Variants in CAMKMT observed in about 807,000 individuals in gnomAD.
The protein encoded by CAMKMT is CaM KMT.
CAMKMT carries 53 observed loss-of-function variants against 48.0 expected under a neutral mutation model. That is an observed-to-expected ratio of 1.10 (90% confidence interval 0.89 to 1.39). The LOEUF is 1.39. Among genes scored for constraint, CAMKMT ranks in the 40% most tolerant of loss-of-function variants. The pLI, the probability that CAMKMT is intolerant of heterozygous loss-of-function variation, is 0.00. For missense variants in CAMKMT, 428 were observed against 402.7 expected, an observed-to-expected ratio of 1.06 and a Z score of -0.54; for synonymous variants, 165 against 152.3, an observed-to-expected ratio of 1.08 and a Z score of -0.61.
At chr2:44,755,396 A>T (rs779643727) in intron 9 of CAMKMT, among the ~76,000 whole-genome samples, 1 of 152,114 alleles carries the variant, frequency 6.6e-6, no homozygotes, top group Non-Finnish European at 1.5e-5. Flanking sequence ...GCCTTGGGTG[A>T]TTCTTGTGGG....
At chr2:44,532,554 C>T (rs1018291114) in intron 3 of CAMKMT, among the ~76,000 whole-genome samples, 1 of 152,178 alleles carries the variant, frequency 6.6e-6, no homozygotes, top group Non-Finnish European at 1.5e-5. Context: ...CCTCAAACAG[C>T]TTAAACCATA....
intron 3 of CAMKMT, among the ~76,000 whole-genome samples, chr2:44,669,382 T>C (rs1675200707): frequency 6.6e-6 from 1 of 152,228 alleles, no homozygotes; most frequent in Admixed American, 6.5e-5. Context: ...AAAGCTACTA[T>C]GGACATCCTC....
chr2:44,508,142 G>A (rs1376849346), intron 3 of CAMKMT, among the ~76,000 whole-genome samples: 6 of 152,176 alleles, frequency 3.9e-5, no homozygotes, highest in African/African-American at 1.4e-4. Flanking sequence ...GACTGGCATA[G>A]GTAGACCCTG....
chr2:44,654,952 T>C (rs547671037), intron 3 of CAMKMT, among the ~76,000 whole-genome samples: 2 of 152,354 alleles, frequency 1.3e-5, no homozygotes, highest in Admixed American at 1.3e-4. Context: ...ACTAACCCCT[T>C]GCATTTGGAT....
At chr2:44,369,189 C>A (rs565536904) in intron 1 of CAMKMT, among the ~76,000 whole-genome samples, 12 of 152,108 alleles carry the variant, frequency 7.9e-5, no homozygotes, top group Admixed American at 7.9e-4. Flanking sequence ...TGAACAAGAC[C>A]CTGCTTTTGA....
At chr2:44,561,236 C>G (rs1668306735) in intron 3 of CAMKMT, among the ~76,000 whole-genome samples, 1 of 152,104 alleles carries the variant, frequency 6.6e-6, no homozygotes, top group Admixed American at 6.5e-5. Context: ...GGTGAAGCTC[C>G]TCAACATTAC....
chr2:44,574,262 C>A (rs1669082573), intron 3 of CAMKMT, among the ~76,000 whole-genome samples: 1 of 152,140 alleles, frequency 6.6e-6, no homozygotes, highest in African/African-American at 2.4e-5. Flanking sequence ...GGCCCAGTGC[C>A]TTTATTGGGG....
chr2:44,771,024 G>A (rs1681084639), intron 10 of CAMKMT, among the ~76,000 whole-genome samples: 1 of 152,196 alleles, frequency 6.6e-6, no homozygotes, highest in Admixed American at 6.5e-5. Flanking sequence ...GTGACAGCAT[G>A]TCCATGTCAT....
At chr2:44,709,461 T>C (rs1476175504) in intron 6 of CAMKMT, among the ~76,000 whole-genome samples, 1 of 152,156 alleles carries the variant, frequency 6.6e-6, no homozygotes, top group Admixed American at 6.6e-5. Flanking sequence ...TAACCAGATC[T>C]AATTTTTTTT....
chr2:44,564,251 C>T (rs1164356571), intron 3 of CAMKMT, among the ~76,000 whole-genome samples: 2 of 151,004 alleles, frequency 1.3e-5, no homozygotes, highest in Non-Finnish European at 2.9e-5. Context: ...TTTCATTTCA[C>T]TGTAACCTCC....
chr2:44,535,014 G>GGA (rs151262006), intron 3 of CAMKMT, among the ~76,000 whole-genome samples: 2,346 of 148,768 alleles, frequency 0.016, 49 homozygotes, highest in African/African-American at 0.048. Flanking sequence ...GGGGAGAGGG[G>GGA]GAGAGAGAGA....
intron 3 of CAMKMT, among the ~76,000 whole-genome samples, chr2:44,461,606 G>A (rs1667853115): frequency 6.6e-6 from 1 of 152,172 alleles, no homozygotes; most frequent in South Asian, 2.1e-4. Context: ...CTCTAACTCT[G>A]CACTTAGCAC....
intron 3 of CAMKMT, among the ~76,000 whole-genome samples, chr2:44,548,094 A>G (rs549896977): frequency 6.6e-6 from 1 of 152,332 alleles, no homozygotes; most frequent in Admixed American, 6.5e-5. Context: ...TTGTGATTCT[A>G]ATGTTAATTA....
At chr2:44,725,995 C>T (rs1678763052) in intron 7 of CAMKMT, among the ~76,000 whole-genome samples, 1 of 152,176 alleles carries the variant, frequency 6.6e-6, no homozygotes, top group Admixed American at 6.5e-5. Flanking sequence ...CTGCCCCCCA[C>T]CTTCTAATAG....
At chr2:44,539,055 G>C (rs1333715243) in intron 3 of CAMKMT, among the ~76,000 whole-genome samples, 1 of 149,708 alleles carries the variant, frequency 6.7e-6, no homozygotes, top group Non-Finnish European at 1.5e-5. Context: ...TGTAATCCTA[G>C]CACTTTGGGA....
intron 3 of CAMKMT, among the ~76,000 whole-genome samples, chr2:44,546,693 C>G (rs11674090): frequency 0.061 from 9,284 of 152,276 alleles, 324 homozygotes; most frequent in Non-Finnish European, 0.074. Context: ...TAATAGCCCT[C>G]TCTTTTCACT....
intron 3 of CAMKMT, among the ~76,000 whole-genome samples, chr2:44,669,858 G>A (rs368957875): frequency 2.6e-5 from 4 of 151,972 alleles, no homozygotes; most frequent in African/African-American, 9.7e-5. Context: ...GGCTGGTCTC[G>A]AACTCCTGGG....
intron 1 of CAMKMT, among the ~76,000 whole-genome samples, chr2:44,363,849 C>G (rs1678302862): frequency 6.6e-6 from 1 of 151,730 alleles, no homozygotes; most frequent in African/African-American, 2.4e-5. Flanking sequence ...CGCCATTACG[C>G]CCAGCTAATT....
intron 3 of CAMKMT, among the ~76,000 whole-genome samples, chr2:44,518,286 C>T (rs1258041295): frequency 6.6e-6 from 1 of 152,016 alleles, no homozygotes; most frequent in Admixed American, 6.6e-5. Flanking sequence ...GTAGTCATTG[C>T]CTGCCATGTG....
Sources: allele counts gnomAD v4.1 joint callset (sites outside exome capture counted in the v4.1 genomes callset), GRCh38; gene constraint gnomAD v4.1.1; transcripts MANE v1.5; gene names NCBI Gene and HGNC (gene_info 2026-07-23, HGNC 2026-07-21).